Variants in FAM171A1 observed in about 807,000 individuals in gnomAD.
FAM171A1 encodes the protein protein FAM171A1.
A neutral mutation model predicts 74.9 loss-of-function variants in FAM171A1; 23 were observed. That is an observed-to-expected ratio of 0.31 (90% confidence interval 0.22 to 0.44). The LOEUF (loss-of-function observed/expected upper bound fraction) is 0.44. Ranked by LOEUF, FAM171A1 falls within the 20% of genes least tolerant of loss-of-function variation. FAM171A1 has a pLI of 1.00. For synonymous variants in FAM171A1, 527 were observed against 505.7 expected (o/e 1.04, Z -0.57); for missense variants, 1,162 against 1,159.2 (o/e 1.00, Z -0.03).
At position 15,312,812 on chromosome 10, in the gene FAM171A1, C is replaced by G. The variant is rs187209315; in HGVS notation, c.98-28707G>C. ...TCCGAGGTCTAAGCGATTCTCCTGC[C>G]TCAGCCTCCTGAGTAGCTGGGATTA... is the stretch of plus-strand genomic sequence containing the variant. On this transcript the variant is annotated intron_variant, in intron 1 of 7. Coordinates refer to ENST00000378116, the MANE Select transcript of FAM171A1 (RefSeq NM_001010924.2). Among the ~76,000 whole-genome samples the G allele has an allele frequency of 9.2e-3, 1,375 of 149,916 alleles. 5 individuals are homozygous for G. The highest frequency in any genetic ancestry group is 0.015 in the Non-Finnish European group (982 of 67,692).
intron 5 of FAM171A1, among the ~76,000 whole-genome samples, chr10:15,227,531 T>C (rs1449865299): frequency 6.6e-6 from 1 of 152,146 alleles, no homozygotes; most frequent in Non-Finnish European, 1.5e-5. Context: ...TACAGGCACG[T>C]GCTACCATGC....
At chr10:15,243,761 A>C (rs1834392511) in intron 5 of FAM171A1, among the ~76,000 whole-genome samples, 1 of 151,282 alleles carries the variant, frequency 6.6e-6, no homozygotes. Context: ...GTACATATAC[A>C]TATATACATA....
At chr10:15,353,843 G>C (rs1352648160) in intron 1 of FAM171A1, among the ~76,000 whole-genome samples, 1 of 152,076 alleles carries the variant, frequency 6.6e-6, no homozygotes, top group Non-Finnish European at 1.5e-5. Flanking sequence ...GGAAGAAAGG[G>C]AGGAACCTGA....
chr10:15,351,595 G>GGATGGATGGATGGATGGATC (rs58703599), intron 1 of FAM171A1, among the ~76,000 whole-genome samples: 2 of 52,074 alleles, frequency 3.8e-5, no homozygotes, highest in African/African-American at 1.4e-4. Context: ...ATGGATGGAT[G>GGATGGATGGATGGATGGATC]CATGGATGGA....
intron 5 of FAM171A1, among the ~76,000 whole-genome samples, chr10:15,229,807 TCAC>T (rs748108032): frequency 0.14 from 1,087 of 7,666 alleles, 97 homozygotes; most frequent in South Asian, 0.22. Context: ...ATCATCACCA[TCAC>T]CACCACCATC....
At chr10:15,260,546 C>T (rs981603456) in intron 3 of FAM171A1, among the ~76,000 whole-genome samples, 4 of 152,166 alleles carry the variant, frequency 2.6e-5, no homozygotes, top group African/African-American at 9.7e-5. Flanking sequence ...ACTGCTTTCC[C>T]ATTTCCTCTT....
rs543532473 is a variant in FAM171A1 at position 15,230,903 on chromosome 10, T to G, written c.755-9843A>C. 2.6e-4 allele frequency among the ~76,000 whole-genome samples: 40 copies of G among 152,334 alleles called. 1 individual carries two copies. Among genetic ancestry groups the G allele is most frequent in the African/African-American group, 9.1e-4 (38 of 41,574 alleles). ...AATTAGCCCCATCTGGAGAGAAATT[T>G]TGTTCATTACCCACTGAGGCCAATA... On this transcript the variant is annotated intron_variant, in intron 5 of 7. Transcript: ENST00000378116.
chr10:15,218,960 G>A (rs565135922), intron 6 of FAM171A1, among the ~76,000 whole-genome samples: 6 of 152,180 alleles, frequency 3.9e-5, no homozygotes, highest in South Asian at 2.1e-4. Context: ...GGGGAGCTAC[G>A]TCTGGCAGTT....
At chr10:15,332,603 A>G (rs1001959650) in intron 1 of FAM171A1, among the ~76,000 whole-genome samples, 7 of 152,180 alleles carry the variant, frequency 4.6e-5, no homozygotes, top group African/African-American at 1.2e-4. Context: ...GAGTTTGCCA[A>G]CCTGTAATGA....
rs564534701 is a variant in FAM171A1, at chr10:15,243,852, G to A, written c.754+4787C>T. On this transcript the variant is annotated intron_variant, in intron 5 of 7. Transcript: ENST00000378116. ...AGCTCTGCCTCCCGGGTTTACTTACGCCATTCTCCTGTCTCAGCCTCCTGA... is the reference window on the plus strand; with the variant it reads ...AGCTCTGCCTCCCGGGTTTACTTACACCATTCTCCTGTCTCAGCCTCCTGA... 2.5e-4 allele frequency among the ~76,000 whole-genome samples: 38 copies of A among 151,906 alleles called. No individual in the cohort carries two copies. The South Asian group carries it at 5.2e-3, about 21-fold the overall frequency.
At chr10:15,299,156 T>TCG (rs1406332737) in intron 1 of FAM171A1, among the ~76,000 whole-genome samples, 1 of 152,156 alleles carries the variant, frequency 6.6e-6, no homozygotes, top group African/African-American at 2.4e-5. Flanking sequence ...CGACCTCAGG[T>TCG]GATCCGCCTG....
intron 1 of FAM171A1, among the ~76,000 whole-genome samples, chr10:15,367,626 G>C (rs1836081714): frequency 6.6e-6 from 1 of 152,210 alleles, no homozygotes; most frequent in African/African-American, 2.4e-5. Flanking sequence ...ACAGATCCCA[G>C]TGTTCTAATA....
At chr10:15,294,519 G>T (rs746185394) in intron 1 of FAM171A1, among the ~76,000 whole-genome samples, 2 of 152,142 alleles carry the variant, frequency 1.3e-5, no homozygotes, top group Non-Finnish European at 2.9e-5. Context: ...AGGAAGAAAC[G>T]AGCGCTCAGG....
rs1329940965 is a variant in FAM171A1 at position 15,298,854 on chromosome 10, C to G, written c.98-14749G>C. ...TGCAACACTGTGGTGACCAGAGGAC[C>G]CACAAGGATTTCTAAAGAAATCCCC... On this transcript the variant is annotated intron_variant, in intron 1 of 7. Transcript: ENST00000378116. Among the ~76,000 whole-genome samples, 4 of 152,222 alleles carry G rather than the reference C, an allele frequency of 2.6e-5. 1 individual carries two copies. The Middle Eastern group carries it at 0.01, about 388-fold the overall frequency.
At chr10:15,253,809 A>C (rs1834540361) in intron 4 of FAM171A1, among the ~76,000 whole-genome samples, 1 of 152,188 alleles carries the variant, frequency 6.6e-6, no homozygotes. Flanking sequence ...AAAATAATTC[A>C]GGACTCCAGA....
In FAM171A1 at chr10:15,254,681, C is replaced by T. The variant is rs561357616; in HGVS notation, c.577+40G>A. ...TAAAATCCACATGTAAAGACTAAAA[C>T]ACAGTAACTCCCACTGAAAAGAGAA... is the stretch of plus-strand genomic sequence containing the variant. On this transcript the variant is annotated intron_variant, in intron 4 of 7. Transcript: ENST00000378116. 9.4e-6 allele frequency: 15 copies of T among 1,600,442 alleles called. No homozygotes were observed. In the South Asian group the frequency reaches 1.6e-4, roughly 17 times the overall value.
chr10:15,322,425 T>C (rs960963141), intron 1 of FAM171A1, among the ~76,000 whole-genome samples: 1 of 152,222 alleles, frequency 6.6e-6, no homozygotes, highest in African/African-American at 2.4e-5. Flanking sequence ...TAAAATAGTC[T>C]GCAGATTTAA....
At chr10:15,318,904 A>T (rs1835453585) in intron 1 of FAM171A1, among the ~76,000 whole-genome samples, 1 of 152,152 alleles carries the variant, frequency 6.6e-6, no homozygotes, top group Non-Finnish European at 1.5e-5. Flanking sequence ...TTAGAGTCAC[A>T]AGAGGGAAAC....
Position 15,254,795 on chromosome 10 carries a change from A to T in FAM171A1, c.503T>A (p.Phe168Tyr). ...ENTSYSDLTA[F>Y]LTAASSPSEV... ...CGAAGGGGAGCTGGCGGCCGTGAGA[A>T]ACGCGGTCAGGTCACTGTAGCTGGT... The change falls in exon 4 of 8, where the codon TTT (phenylalanine) becomes TAT (tyrosine). Residue 168 changes from phenylalanine (F) to tyrosine (Y), a missense_variant. Physicochemically the swap from Phe to Tyr is conservative, Grantham distance 22. Transcript: ENST00000378116. 6.2e-7 allele frequency: 1 copy of T among 1,614,228 alleles called. No individual in the cohort carries two copies. Among genetic ancestry groups the T allele is most frequent in the Non-Finnish European group, 8.5e-7 (1 of 1,180,034 alleles).
Sources: allele counts gnomAD v4.1 joint callset (sites outside exome capture counted in the v4.1 genomes callset), GRCh38; gene constraint gnomAD v4.1.1; transcripts MANE v1.5; gene names NCBI Gene and HGNC (gene_info 2026-07-23, HGNC 2026-07-21).